FBN1: variants seen among roughly 807,000 people sequenced by gnomAD.
The protein encoded by FBN1 is fibrillin-1.
Under a neutral mutation model 365.1 loss-of-function variants are expected in FBN1, and 29 were observed. The observed-to-expected ratio is 0.08, with a 90% CI of 0.06 to 0.11. The LOEUF (loss-of-function observed/expected upper bound fraction) is 0.11, where lower values mean the gene tolerates loss of function less well. FBN1 is among the 10% of genes least tolerant of loss of function. The pLI, the probability that FBN1 is intolerant of heterozygous loss-of-function variation, is 1.00. For missense variants in FBN1, 2,476 were observed against 3,703.2 expected, an observed-to-expected ratio of 0.67 and a Z score of 8.60; for synonymous variants, 1,210 against 1,270.5, an observed-to-expected ratio of 0.95 and a Z score of 1.01.
intron 2 of FBN1, among the ~76,000 whole-genome samples, chr15:48,618,259 A>C (rs908660143): frequency 2.0e-5 from 3 of 152,218 alleles, no homozygotes; most frequent in African/African-American, 7.2e-5. Flanking sequence ...GTGATAGATC[A>C]TGAAACAATT....
intron 8 of FBN1, 107 bp downstream of exon 8, chr15:48,533,973 A>C: frequency 6.8e-7 from 1 of 1,463,878 alleles, no homozygotes. Flanking sequence ...CACAGGGATG[A>C]CAAAGACAGA....
At chr15:48,454,375 A>C (rs1203124396) in intron 44 of FBN1, among the ~76,000 whole-genome samples, 1 of 152,204 alleles carries the variant, frequency 6.6e-6, no homozygotes, top group East Asian at 1.9e-4. Flanking sequence ...AAAACAGAAA[A>C]GATTTTGGAT....
intron 14 of FBN1, among the ~76,000 whole-genome samples, chr15:48,509,558 T>C (rs2043741453): frequency 6.7e-6 from 1 of 148,410 alleles, no homozygotes; most frequent in Admixed American, 6.8e-5. Flanking sequence ...CAGAAATACA[T>C]ATATACATAA....
chr15:48,436,627 C>T (rs2043073899), intron 53 of FBN1, among the ~76,000 whole-genome samples: 1 of 152,176 alleles, frequency 6.6e-6, no homozygotes, highest in Non-Finnish European at 1.5e-5. Context: ...TGACCATTAA[C>T]AATTTTTAAA....
intron 2 of FBN1, among the ~76,000 whole-genome samples, chr15:48,619,174 A>C (rs1453405335): frequency 6.6e-6 from 1 of 150,998 alleles, no homozygotes; most frequent in Non-Finnish European, 1.5e-5. Flanking sequence ...AGACCCAAAG[A>C]CTCTTTTCTG....
At chr15:48,558,236 C>T (rs1000809207) in intron 6 of FBN1, among the ~76,000 whole-genome samples, 24 of 152,290 alleles carry the variant, frequency 1.6e-4, no homozygotes, top group African/African-American at 5.3e-4. Flanking sequence ...ATATCTTCTT[C>T]CAGTTTATCT....
intron 6 of FBN1, among the ~76,000 whole-genome samples, chr15:48,557,872 A>G (rs1411312576): frequency 2.0e-5 from 3 of 152,186 alleles, no homozygotes; most frequent in Admixed American, 2.0e-4. Context: ...CTTGAATACT[A>G]TGCCTGAAAT....
intron 2 of FBN1, among the ~76,000 whole-genome samples, chr15:48,638,877 C>A (rs1230346897): frequency 5.9e-5 from 9 of 152,194 alleles, no homozygotes. Context: ...CAGAAGCCCA[C>A]ACAACGCCCA....
chr15:48,481,598 TATG>T, intron 32 of FBN1, 54 bp downstream of exon 32: 5 of 1,550,086 alleles, frequency 3.2e-6, no homozygotes, highest in South Asian at 2.3e-5. Flanking sequence ...AATCTATAAT[TATG>T]ATACCAATCT....
At chr15:48,412,882 G>A (rs2042875438) in intron 64 of FBN1, 139 bp from the exon 65 acceptor site, 2 of 996,884 alleles carry the variant, frequency 2.0e-6, no homozygotes, top group Non-Finnish European at 3.1e-6. Context: ...AGCTAGTTCT[G>A]AGAACTACAT....
intron 50 of FBN1, among the ~76,000 whole-genome samples, chr15:48,440,785 T>C (rs919380712): frequency 6.6e-6 from 1 of 152,082 alleles, no homozygotes; most frequent in African/African-American, 2.4e-5. Flanking sequence ...ATTAAATGAC[T>C]TGCTCTAGAC....
In FBN1 at chr15:48,516,188, G is replaced by T; in HGVS notation, c.1322C>A (p.Pro441Gln). 1 of 1,613,712 alleles carries T rather than the reference G, an allele frequency of 6.2e-7. No individual in the cohort carries two copies. Among genetic ancestry groups the T allele is most frequent in the South Asian group, 1.1e-5 (1 of 91,054 alleles). Residue 441 changes from proline (P) to glutamine (Q), a missense_variant, in exon 11 of 66, where the codon CCA (proline) becomes CAA (glutamine). Pro to Gln is a moderately conservative substitution (Grantham distance 76). Transcript: ENST00000316623. The stretch of plus-strand genomic sequence containing the variant: ...GATGATTTTTGAATTCTTACTTGGT[G>T]GCTCCCGAGATGGATACAGATATTC... ...PVEYLYPSREPPRVLPVNVTD... is the reference protein window; with the variant it reads ...PVEYLYPSREQPRVLPVNVTD...
chr15:48,469,842 G>A (rs1403247901), intron 36 of FBN1, among the ~76,000 whole-genome samples: 1 of 152,146 alleles, frequency 6.6e-6, no homozygotes, highest in African/African-American at 2.4e-5. Flanking sequence ...AAAACCAAGG[G>A]AAGAATGTGT....
intron 6 of FBN1, among the ~76,000 whole-genome samples, chr15:48,548,620 C>T (rs2141370837): frequency 6.6e-6 from 1 of 152,322 alleles, no homozygotes; most frequent in South Asian, 2.1e-4. Flanking sequence ...TTCCCTCTTA[C>T]CACTTACTAG....
At chr15:48,592,540 G>T (rs2044485651) in intron 6 of FBN1, among the ~76,000 whole-genome samples, 1 of 152,030 alleles carries the variant, frequency 6.6e-6, no homozygotes, top group Non-Finnish European at 1.5e-5. Context: ...CTAACATACT[G>T]TACCACTGAG....
At chr15:48,500,242 A>G (rs967421755) in intron 17 of FBN1, among the ~76,000 whole-genome samples, 2 of 151,706 alleles carry the variant, frequency 1.3e-5, no homozygotes, top group Non-Finnish European at 3.0e-5. Context: ...GAAAACCAAA[A>G]TCATACCAGT....
intron 45 of FBN1, among the ~76,000 whole-genome samples, chr15:48,450,862 C>T (rs1319128243): frequency 6.8e-6 from 1 of 148,124 alleles, no homozygotes; most frequent in Non-Finnish European, 1.5e-5. Context: ...TGCAGCATGC[C>T]TGAAAAAAAA....
At chr15:48,607,195 G>A (rs889301957) in intron 4 of FBN1, among the ~76,000 whole-genome samples, 1 of 151,892 alleles carries the variant, frequency 6.6e-6, no homozygotes, top group African/African-American at 2.4e-5. Flanking sequence ...TTCTTAAAGT[G>A]TAAAGAGTAA....
At chr15:48,590,925 T>C (rs1332934742) in intron 6 of FBN1, among the ~76,000 whole-genome samples, 1 of 152,198 alleles carries the variant, frequency 6.6e-6, no homozygotes, top group African/African-American at 2.4e-5. Flanking sequence ...AGTATTGTCT[T>C]CACAGTTTAG....
Sources: allele counts gnomAD v4.1 joint callset (sites outside exome capture counted in the v4.1 genomes callset), GRCh38; gene constraint gnomAD v4.1.1; transcripts MANE v1.5; gene names NCBI Gene and HGNC (gene_info 2026-07-23, HGNC 2026-07-21).